CNTNAP2: variants seen among roughly 807,000 people sequenced by gnomAD.
CNTNAP2 encodes the protein contactin-associated protein-like 2.
In CNTNAP2, 98 loss-of-function variants were observed where a neutral mutation model predicts 155.2. The observed-to-expected ratio is 0.63, with a 90% CI of 0.54 to 0.75. CNTNAP2 has a LOEUF of 0.75. Among genes scored for constraint, CNTNAP2 ranks in the 30% least tolerant of loss-of-function variants. The pLI, the probability that CNTNAP2 is intolerant of heterozygous loss-of-function variation, is 0.00. For synonymous variants in CNTNAP2, 651 were observed against 631.2 expected, an observed-to-expected ratio of 1.03 and a Z score of -0.47; for missense variants, 1,727 against 1,688.1, an observed-to-expected ratio of 1.02 and a Z score of -0.40.
chr7:148,255,128 A>G (rs1796435820), intron 20 of CNTNAP2, among the ~76,000 whole-genome samples: 1 of 152,190 alleles, frequency 6.6e-6, no homozygotes, highest in African/African-American at 2.4e-5. Context: ...ACTACATCTC[A>G]AAGAAATTTG....
chr7:147,445,302 A>G (rs945866888), intron 10 of CNTNAP2, among the ~76,000 whole-genome samples: 1 of 152,206 alleles, frequency 6.6e-6, no homozygotes, highest in Non-Finnish European at 1.5e-5. Context: ...GCATTAATTT[A>G]AAAAATATTT....
rs562027138 is a variant in CNTNAP2 at position 146,399,479 on chromosome 7, C to G, written c.97+282506C>G. Among the ~76,000 whole-genome samples the G allele has an allele frequency of 2.6e-5, 4 of 152,138 alleles. No individual in the cohort carries two copies. The South Asian group carries it at 8.3e-4, about 31-fold the overall frequency. ...CTAACATGATGATCTCCAGCTTCAT[C>G]GATGTATTTGCAGATGACATAATTT... On this transcript the variant is annotated intron_variant, in intron 1 of 23. Coordinates refer to ENST00000361727, the MANE Select transcript of CNTNAP2 (RefSeq NM_014141.6).
At chr7:148,385,179 C>G (rs891309221) in intron 22 of CNTNAP2, among the ~76,000 whole-genome samples, 7 of 152,230 alleles carry the variant, frequency 4.6e-5, no homozygotes, top group African/African-American at 1.7e-4. Flanking sequence ...TAGAGAGAAG[C>G]CAAAATTGCC....
chr7:147,848,201 T>G (rs371463569), intron 13 of CNTNAP2, among the ~76,000 whole-genome samples: 16,950 of 141,950 alleles, frequency 0.12, 1,403 homozygotes, highest in South Asian at 0.24. Context: ...CCAGCCTCGT[T>G]GCCGCCTTGC....
chr7:147,450,807 C>T (rs1797818673), intron 10 of CNTNAP2, among the ~76,000 whole-genome samples: 1 of 152,194 alleles, frequency 6.6e-6, no homozygotes, highest in Non-Finnish European at 1.5e-5. Context: ...TCCTCTAATA[C>T]TTTGTTGCAT....
chr7:147,799,867 G>C (rs1276275156), intron 13 of CNTNAP2, among the ~76,000 whole-genome samples: 1 of 152,196 alleles, frequency 6.6e-6, no homozygotes, highest in South Asian at 2.1e-4. Flanking sequence ...CAATATTATA[G>C]TTGAGGCAGA....
intron 2 of CNTNAP2, among the ~76,000 whole-genome samples, chr7:146,797,718 C>T (rs1802796493): frequency 6.6e-6 from 1 of 152,186 alleles, no homozygotes; most frequent in African/African-American, 2.4e-5. Flanking sequence ...ACCAAAATCT[C>T]ACTGATTTAC....
At chr7:146,121,910 A>G (rs1216762643) in intron 1 of CNTNAP2, among the ~76,000 whole-genome samples, 1 of 152,224 alleles carries the variant, frequency 6.6e-6, no homozygotes, top group Non-Finnish European at 1.5e-5. Context: ...CTTGAAAATA[A>G]TACTTGTAAC....
intron 3 of CNTNAP2, among the ~76,000 whole-genome samples, chr7:147,004,223 A>AAG (rs1798482708): frequency 6.6e-6 from 1 of 150,668 alleles, no homozygotes; most frequent in Non-Finnish European, 1.5e-5. Context: ...AAAAAAAAAA[A>AAG]AAAAGAAAAA....
intron 1 of CNTNAP2, among the ~76,000 whole-genome samples, chr7:146,752,387 CT>C (rs1464569977): frequency 2.6e-5 from 4 of 152,122 alleles, no homozygotes; most frequent in East Asian, 1.9e-4. Flanking sequence ...TGATGATAAG[CT>C]TTTTTTCCTA....
chr7:147,021,208 TTTTTA>T (rs1478127442), intron 3 of CNTNAP2, among the ~76,000 whole-genome samples: 1 of 152,132 alleles, frequency 6.6e-6, no homozygotes, highest in African/African-American at 2.4e-5. Flanking sequence ...TGGCAATTCT[TTTTTA>T]GCTCATCAGC....
intron 11 of CNTNAP2, among the ~76,000 whole-genome samples, chr7:147,510,251 T>G (rs1479335074): frequency 6.6e-6 from 1 of 152,202 alleles, no homozygotes; most frequent in East Asian, 1.9e-4. Flanking sequence ...CTCTGAGGGC[T>G]AAAACCCAGT....
intron 15 of CNTNAP2, among the ~76,000 whole-genome samples, chr7:148,067,138 G>T (rs1803281011): frequency 6.6e-6 from 1 of 152,114 alleles, no homozygotes; most frequent in African/African-American, 2.4e-5. Flanking sequence ...ACCCATTGCT[G>T]GCGAGCTAGT....
intron 18 of CNTNAP2, among the ~76,000 whole-genome samples, chr7:148,209,535 C>T (rs145275946): frequency 0.01 from 1,537 of 151,766 alleles, 18 homozygotes; most frequent in Non-Finnish European, 0.013. Flanking sequence ...TCCAAAAATC[C>T]GAGTCTGTCT....
At chr7:147,500,670 G>A (rs1358542) in intron 11 of CNTNAP2, among the ~76,000 whole-genome samples, 48,346 of 151,924 alleles carry the variant, frequency 0.32, 7,919 homozygotes, top group East Asian at 0.43. Flanking sequence ...TCAAATGACT[G>A]TAAAGATAGG....
At chr7:147,075,992 T>C (rs960110450) in intron 4 of CNTNAP2, among the ~76,000 whole-genome samples, 1 of 152,258 alleles carries the variant, frequency 6.6e-6, no homozygotes, top group Non-Finnish European at 1.5e-5. Context: ...TAGTATTCCA[T>C]GGTGTATATA....
chr7:146,767,477 C>A (rs145119235), intron 1 of CNTNAP2, among the ~76,000 whole-genome samples: 1 of 152,176 alleles, frequency 6.6e-6, no homozygotes, highest in East Asian at 1.9e-4. Flanking sequence ...GTAATAATAG[C>A]AATGACTTCT....
intron 13 of CNTNAP2, among the ~76,000 whole-genome samples, chr7:147,830,510 C>G (rs186518883): frequency 6.6e-6 from 1 of 152,210 alleles, no homozygotes; most frequent in Non-Finnish European, 1.5e-5. Flanking sequence ...ATCCAATCCA[C>G]TACATCTACT....
chr7:146,506,357 A>G (rs766016516), intron 1 of CNTNAP2, among the ~76,000 whole-genome samples: 5 of 152,198 alleles, frequency 3.3e-5, no homozygotes, highest in Non-Finnish European at 7.4e-5. Context: ...CACGCTGGGC[A>G]TTTCTGGCAG....
Sources: allele counts gnomAD v4.1 joint callset (sites outside exome capture counted in the v4.1 genomes callset), GRCh38; gene constraint gnomAD v4.1.1; transcripts MANE v1.5; gene names NCBI Gene and HGNC (gene_info 2026-07-23, HGNC 2026-07-21).